The following MYH14 variants were observed in gnomAD, a reference collection of about 807,000 sequenced individuals.
MYH14 encodes the protein myosin-14.
MYH14 carries 123 observed loss-of-function variants against 255.5 expected under a neutral mutation model. The ratio of observed to expected loss-of-function variants is 0.48; its 90% CI spans 0.42 to 0.56. MYH14 has a LOEUF of 0.56. Ranked by LOEUF, MYH14 falls within the 20% of genes least tolerant of loss-of-function variation. The pLI, the probability that MYH14 is intolerant of heterozygous loss-of-function variation, is 0.00. For missense variants in MYH14, 2,423 were observed against 2,802.3 expected (o/e 0.86, Z 3.06); for synonymous variants, 1,095 against 1,161.2 (o/e 0.94, Z 1.16).
At position 50,230,604 on chromosome 19, in the gene MYH14, C is replaced by T. The variant is rs1229515298; in HGVS notation, c.954C>T (p.Gly318=). 1.9e-6 allele frequency: 3 copies of T among 1,565,006 alleles called. No individual in the cohort carries two copies. Among genetic ancestry groups the T allele is most frequent in the East Asian group, 4.8e-5 (2 of 42,000 alleles). Residue 318 remains glycine (G), a synonymous_variant, in exon 9 of 43, where the codon GGC becomes GGT. Transcript: ENST00000642316. This position sits in a 1 kb window ranked among gnomAD's most constrained non-coding sequence, Gnocchi z 4.7. ...SFHIFYQLLG[G]AGEQLKADLL... Reference sequence around the variant, plus strand: ...ACATCTTCTACCAGCTGCTGGGGGGCGCTGGAGAGCAGCTCAAAGGTCAGT... The same window carrying T: ...ACATCTTCTACCAGCTGCTGGGGGGTGCTGGAGAGCAGCTCAAAGGTCAGT...
chr19:50,231,802 G>GT (rs1297655889), intron 9 of MYH14, 128 bp from the exon 10 acceptor site: 1 of 1,289,078 alleles, frequency 7.8e-7, no homozygotes, highest in Non-Finnish European at 1.1e-6. Flanking sequence ...CACCACACTT[G>GT]TGAGTAAAGG....
rs869049808 is a variant in MYH14, at chr19:50,297,491, C to CTTT, written c.5469+3825_5469+3827dup. 3.2e-3 allele frequency among the ~76,000 whole-genome samples: 236 copies of CTTT among 74,328 alleles called. 26 individuals are homozygous for CTTT. Among genetic ancestry groups the CTTT allele is most frequent in the South Asian group, 6.6e-3 (9 of 1,362 alleles). 48.8% of individuals were successfully genotyped at this position (74,328 alleles called of 152,430 possible). A position where few individuals can be genotyped will look rare whatever the true frequency, so the allele number is the denominator to read the frequency against. ...TCTTTGTGGCTCTGTCTCATCTCCT[C>CTTT]TTTTTTTTTTTTTTTTTTTTTTTGA... On this transcript the variant is annotated intron_variant, in intron 39 of 42. Transcript: ENST00000642316.
intron 7 of MYH14, 121 bp from the exon 8 acceptor site, chr19:50,226,782 C>G: frequency 1.1e-6 from 1 of 879,788 alleles, no homozygotes; most frequent in Non-Finnish European, 1.8e-6. Flanking sequence ...GTAGAGGGAG[C>G]AAGGAAGTGG....
intron 11 of MYH14, among the ~76,000 whole-genome samples, chr19:50,245,202 T>C (rs2034054208): frequency 6.6e-6 from 1 of 151,912 alleles, no homozygotes; most frequent in African/African-American, 2.4e-5. Context: ...GCAGATCACT[T>C]GAGGCCATGA....
intron 42 of MYH14, 185 bp from the exon 43 acceptor site, chr19:50,309,455 T>C: frequency 3.2e-6 from 2 of 621,672 alleles, no homozygotes; most frequent in South Asian, 3.8e-5. Context: ...CATCTCTCTC[T>C]GCCCCCCATT....
At position 50,271,846 on chromosome 19, in the gene MYH14, C is replaced by T; in HGVS notation, c.3172-3C>T. The T allele has an allele frequency of 6.2e-7, 1 of 1,613,146 alleles. No homozygotes were observed. The highest frequency in any genetic ancestry group is 8.5e-7 in the Non-Finnish European group (1 of 1,179,800). ...CTGCCCCCCATCCCACTCCACCCCT[C>T]AGGAGCGGAAGCTGCTGGAAGATCG... On this transcript the variant is annotated splice_polypyrimidine_tract_variant and splice_region_variant and intron_variant, in intron 25 of 42. Coordinates refer to ENST00000642316, the MANE Select transcript of MYH14 (RefSeq NM_001145809.2).
chr19:50,228,934 C>A (rs1032634764), intron 8 of MYH14, among the ~76,000 whole-genome samples: 30 of 152,308 alleles, frequency 2.0e-4, no homozygotes, highest in Non-Finnish European at 4.1e-4. Context: ...GTGTGGCTGA[C>A]CCCTCGGCAC....
At chr19:50,271,750 G>A in intron 25 of MYH14, 99 bp from the exon 26 acceptor site, 1 of 1,549,548 alleles carries the variant, frequency 6.5e-7, no homozygotes, top group Non-Finnish European at 8.7e-7. Flanking sequence ...AAAAGGAGCA[G>A]AAACATAGAT....
intron 39 of MYH14, among the ~76,000 whole-genome samples, chr19:50,299,570 CAAAAAAAAA>C (rs4002409): frequency 8.7e-5 from 5 of 57,644 alleles, no homozygotes; most frequent in African/African-American, 2.2e-4. Context: ...GACTCCATCT[CAAAAAAAAA>C]AAAAAAAAAA....
chr19:50,205,416 G>A (rs113907576), intron 1 of MYH14: 20,066 of 152,654 alleles, frequency 0.13, 1,668 homozygotes, highest in Non-Finnish European at 0.18. Context: ...GCAGGTGCTG[G>A]GTGACATCAG....
chr19:50,258,721 CA>C (rs1160071813), intron 18 of MYH14: 604 of 33,944 alleles, frequency 0.018, 1 homozygote, highest in East Asian at 0.11. Context: ...GACTCTGTCT[CA>C]AAAAAAAAAA....
intron 24 of MYH14, among the ~76,000 whole-genome samples, chr19:50,270,435 A>G (rs1028120970): frequency 1.3e-5 from 2 of 150,016 alleles, no homozygotes; most frequent in African/African-American, 4.9e-5. Flanking sequence ...CAGGAAAGTC[A>G]CTTGAACCCC....
At chr19:50,281,896 C>T (rs1240862885) in intron 33 of MYH14, 54 bp downstream of exon 33, 7 of 1,571,524 alleles carry the variant, frequency 4.5e-6, no homozygotes, top group Non-Finnish European at 6.1e-6. Context: ...TCTACGCTTC[C>T]CATGGTCGTT....
At chr19:50,236,829 A>G (rs1568485619) in intron 10 of MYH14, among the ~76,000 whole-genome samples, 2 of 152,188 alleles carry the variant, frequency 1.3e-5, no homozygotes, top group African/African-American at 4.8e-5. Context: ...CCATTCACCT[A>G]TTTAAACTGT....
intron 40 of MYH14, among the ~76,000 whole-genome samples, chr19:50,305,033 G>A (rs1383274214): frequency 6.6e-6 from 1 of 152,118 alleles, no homozygotes; most frequent in Non-Finnish European, 1.5e-5. Context: ...AGCACACAGA[G>A]CCTTGAATAC....
chr19:50,255,173 C>G (rs997805126), intron 16 of MYH14, 47 bp from the exon 17 acceptor site: 10 of 1,258,284 alleles, frequency 7.9e-6, no homozygotes, highest in Admixed American at 2.0e-5. Context: ...CGCCATCTCT[C>G]TGCCATCTCC....
At chr19:50,289,769 C>A in intron 35 of MYH14, 121 bp downstream of exon 35, 1 of 855,100 alleles carries the variant, frequency 1.2e-6, no homozygotes, top group South Asian at 1.6e-5. Flanking sequence ...TCTCCTCCAC[C>A]CGCCGACCAC....
chr19:50,284,082 A>G lies in MYH14; in HGVS notation c.4539+2240A>G, dbSNP rs142623392. Among the ~76,000 whole-genome samples the G allele has an allele frequency of 7.5e-3, 962 of 127,598 alleles. 9 individuals carry two copies. The highest frequency in any genetic ancestry group is 0.028 in the Middle Eastern group (7 of 246). The allele number at this position is 127,598 out of a possible 152,430, so 83.7% of individuals were successfully genotyped here. ...AGTGAAACTCTGTCTCAAAAAAACAAAACAAAAAACAAAAAAAAAACAAAA... is the reference window on the plus strand; with the variant it reads ...AGTGAAACTCTGTCTCAAAAAAACAGAACAAAAAACAAAAAAAAAACAAAA... On this transcript the variant is annotated intron_variant, in intron 33 of 42. Coordinates refer to ENST00000642316, the MANE Select transcript of MYH14 (RefSeq NM_001145809.2).
At position 50,293,525 on chromosome 19, in the gene MYH14, A is replaced by G. The variant is rs2036159616; in HGVS notation, c.5346-39A>G. The G allele has an allele frequency of 6.2e-7, 1 of 1,609,972 alleles. No homozygotes were observed. Among genetic ancestry groups the G allele is most frequent in the Non-Finnish European group, 8.5e-7 (1 of 1,178,568 alleles). ...TGAGGCAAGGCACCCTCCTCTGACC[A>G]TCCTGTCCTTTCATCCCCACGCCTT... On this transcript the variant is annotated intron_variant, in intron 38 of 42. Coordinates refer to ENST00000642316, the MANE Select transcript of MYH14 (RefSeq NM_001145809.2). The surrounding 1 kb of genome is among the most constrained non-coding windows in gnomAD (Gnocchi z 4.1).
Sources: gnomAD v4.1 joint callset for allele counts (sites outside exome capture counted in the v4.1 genomes callset) on GRCh38, gnomAD v4.1.1 for gene constraint, Gnocchi (gnomAD v3.1) non-coding constraint, MANE v1.5 for transcripts, NCBI Gene and HGNC (gene_info 2026-07-23, HGNC 2026-07-21) for gene names.